KIAA1328: variants seen among roughly 807,000 people sequenced by gnomAD.
KIAA1328 encodes the protein protein hinderin.
KIAA1328 carries 52 observed loss-of-function variants against 68.1 expected under a neutral mutation model. The ratio of observed to expected loss-of-function variants is 0.76; its 90% CI spans 0.61 to 0.96. The LOEUF is 0.96. Among genes scored for constraint, KIAA1328 ranks in the 40% least tolerant of loss-of-function variants. The probability of loss-of-function intolerance (pLI) is 0.00; values close to 1 mark genes in which losing one functional copy is unlikely to be tolerated. For synonymous variants in KIAA1328, 232 were observed against 239.4 expected, an observed-to-expected ratio of 0.97 and a Z score of 0.28; for missense variants, 641 against 677.6, an observed-to-expected ratio of 0.95 and a Z score of 0.60.
chr18:36,895,507 C>A (rs958151774), intron 5 of KIAA1328, among the ~76,000 whole-genome samples: 1 of 152,112 alleles, frequency 6.6e-6, no homozygotes, highest in African/African-American at 2.4e-5. Flanking sequence ...TTCAGCTTTT[C>A]TTCTGTAAGA....
intron 9 of KIAA1328, among the ~76,000 whole-genome samples, chr18:37,188,899 C>T (rs1302548968): frequency 6.6e-6 from 1 of 152,214 alleles, no homozygotes; most frequent in African/African-American, 2.4e-5. Flanking sequence ...GCCTTGCAGA[C>T]TTCACATTCT....
At chr18:36,859,756 T>C (rs1164398606) in intron 4 of KIAA1328, among the ~76,000 whole-genome samples, 1 of 152,004 alleles carries the variant, frequency 6.6e-6, no homozygotes, top group African/African-American at 2.4e-5. Context: ...TGCCTTCTTG[T>C]ATTTTTTGCT....
In KIAA1328 at chr18:36,993,084, T is replaced by C. The variant is rs142175097; in HGVS notation, c.576+33649T>C. 1.7e-3 allele frequency among the ~76,000 whole-genome samples: 256 copies of C among 152,104 alleles called. 1 individual carries two copies. Among genetic ancestry groups the C allele is most frequent in the Non-Finnish European group, 2.5e-3 (172 of 67,976 alleles). On this transcript the variant is annotated intron_variant, in intron 6 of 9. Coordinates refer to ENST00000280020, the MANE Select transcript of KIAA1328 (RefSeq NM_020776.3). ...TCGTAACACTGCACTTCAACCTGGGTGAGAGAGTGAGATCCTGTCTCAAAA... is the reference window on the plus strand; with the variant it reads ...TCGTAACACTGCACTTCAACCTGGGCGAGAGAGTGAGATCCTGTCTCAAAA...
At chr18:36,861,835 A>AT (rs200105865) in intron 4 of KIAA1328, among the ~76,000 whole-genome samples, 75 of 151,254 alleles carry the variant, frequency 5.0e-4, no homozygotes, top group Admixed American at 3.2e-3. Context: ...CACTCAACTA[A>AT]TTTTTTTTTC....
rs1409750548 is a variant in KIAA1328, at chr18:37,048,016, CTTTGGCT to C, written c.577-18873_577-18867del. 5.3e-5 allele frequency among the ~76,000 whole-genome samples: 8 copies of C among 152,210 alleles called. No homozygotes were observed. In the South Asian group the frequency reaches 1.7e-3, roughly 32 times the overall value. On this transcript the variant is annotated intron_variant, in intron 6 of 9. Coordinates refer to ENST00000280020, the MANE Select transcript of KIAA1328 (RefSeq NM_020776.3). ...GCTGGCCAAATATACAAGATTTGGC[CTTTGGCT>C]ACAAAACTTTTGGCTATTCCTATGT... is the stretch of plus-strand genomic sequence containing the variant.
chr18:37,121,995 A>G (rs536053637), intron 7 of KIAA1328, among the ~76,000 whole-genome samples: 1 of 152,228 alleles, frequency 6.6e-6, no homozygotes, highest in Non-Finnish European at 1.5e-5. Context: ...TTACAGACAT[A>G]GTATATAGTA....
chr18:37,179,035 C>T (rs1279259302), intron 9 of KIAA1328, among the ~76,000 whole-genome samples: 1 of 152,146 alleles, frequency 6.6e-6, no homozygotes, highest in African/African-American at 2.4e-5. Flanking sequence ...TGTCTCATCA[C>T]TCTGTTAATT....
intron 4 of KIAA1328, among the ~76,000 whole-genome samples, chr18:36,868,992 G>C (rs147110539): frequency 5.4e-5 from 8 of 148,904 alleles, no homozygotes; most frequent in Admixed American, 2.0e-4. Context: ...CATTGATTGC[G>C]TACAATATGA....
At chr18:36,865,650 C>T (rs2047724858) in intron 4 of KIAA1328, among the ~76,000 whole-genome samples, 1 of 151,980 alleles carries the variant, frequency 6.6e-6, no homozygotes, top group Non-Finnish European at 1.5e-5. Flanking sequence ...CAGAAGTCAT[C>T]TTTATTTTGC....
chr18:37,095,482 A>C (rs2057379148), intron 7 of KIAA1328, among the ~76,000 whole-genome samples: 1 of 152,192 alleles, frequency 6.6e-6, no homozygotes, highest in Non-Finnish European at 1.5e-5. Flanking sequence ...CCAAATGGCC[A>C]TTGTGTCAAT....
At chr18:37,204,850 A>G (rs1489442813) in intron 9 of KIAA1328, among the ~76,000 whole-genome samples, 2 of 151,934 alleles carry the variant, frequency 1.3e-5, no homozygotes, top group Non-Finnish European at 2.9e-5. Context: ...TACCCTGAAT[A>G]TCAGCTTTTA....
chr18:37,136,492 A>G (rs577750498), intron 7 of KIAA1328, among the ~76,000 whole-genome samples: 2 of 152,364 alleles, frequency 1.3e-5, no homozygotes, highest in Non-Finnish European at 2.9e-5. Context: ...TGGATGGTCC[A>G]CAATACAAGA....
chr18:37,186,711 AAT>A (rs35173299), intron 9 of KIAA1328, among the ~76,000 whole-genome samples: 40,351 of 151,868 alleles, frequency 0.27, 8,380 homozygotes, highest in African/African-American at 0.58. Context: ...TTGGTGTACA[AAT>A]CCTAACGAAA....
At chr18:37,100,056 G>A (rs575531813) in intron 7 of KIAA1328, among the ~76,000 whole-genome samples, 1 of 152,228 alleles carries the variant, frequency 6.6e-6, no homozygotes, top group East Asian at 1.9e-4. Context: ...CTTTTAATTG[G>A]AGCATTTAGC....
intron 9 of KIAA1328, among the ~76,000 whole-genome samples, chr18:37,203,340 T>C (rs1165014297): frequency 1.3e-5 from 2 of 152,076 alleles, no homozygotes; most frequent in Admixed American, 1.3e-4. Flanking sequence ...TTTCCCCAAC[T>C]TTCTATATCC....
At chr18:36,930,637 A>G (rs1158654608) in intron 5 of KIAA1328, among the ~76,000 whole-genome samples, 1 of 152,112 alleles carries the variant, frequency 6.6e-6, no homozygotes, top group African/African-American at 2.4e-5. Flanking sequence ...GATTCTTACA[A>G]AGATGGTTAT....
chr18:37,127,679 A>G (rs1306464487), intron 7 of KIAA1328, among the ~76,000 whole-genome samples: 12 of 152,372 alleles, frequency 7.9e-5, no homozygotes. Context: ...TGTGGATTCA[A>G]TGCAATCCAA....
intron 7 of KIAA1328, among the ~76,000 whole-genome samples, chr18:37,113,748 T>C (rs1479686138): frequency 6.6e-6 from 1 of 152,192 alleles, no homozygotes; most frequent in Admixed American, 6.5e-5. Flanking sequence ...ATCATTGTGC[T>C]GTATTCAGGA....
At chr18:36,956,688 C>G (rs1440476131) in intron 5 of KIAA1328, among the ~76,000 whole-genome samples, 1 of 152,176 alleles carries the variant, frequency 6.6e-6, no homozygotes, top group Non-Finnish European at 1.5e-5. Context: ...TGACATTTTA[C>G]TCCTAAGCTA....
Sources: allele counts gnomAD v4.1 joint callset (sites outside exome capture counted in the v4.1 genomes callset), GRCh38; gene constraint gnomAD v4.1.1; transcripts MANE v1.5; gene names NCBI Gene and HGNC (gene_info 2026-07-23, HGNC 2026-07-21).